The following IQSEC1 variants were observed in gnomAD, a reference collection of about 807,000 sequenced individuals.
The protein encoded by IQSEC1 is IQ motif and Sec7 domain ArfGEF 1, also known as IQ motif and SEC7 domain-containing protein 1.
A neutral mutation model predicts 91.0 loss-of-function variants in IQSEC1; 31 were observed. The observed-to-expected ratio is 0.34, with a 90% CI of 0.26 to 0.46. The LOEUF is 0.46. Among genes scored for constraint, IQSEC1 ranks in the 20% least tolerant of loss-of-function variants. The pLI is 1.00. For missense variants in IQSEC1, 1,388 were observed against 1,575.6 expected, an observed-to-expected ratio of 0.88 and a Z score of 2.02; for synonymous variants, 699 against 662.6, an observed-to-expected ratio of 1.05 and a Z score of -0.84.
intron 1 of IQSEC1, among the ~76,000 whole-genome samples, chr3:13,197,671 G>A (rs974809575): frequency 1.4e-4 from 21 of 152,204 alleles, no homozygotes; most frequent in South Asian, 2.1e-4. Context: ...CCCACCTTAC[G>A]ACCAGCAGAG....
chr3:13,193,157 G>A lies in IQSEC1; in HGVS notation c.273-29024C>T, dbSNP rs1694065669. On this transcript the variant is annotated intron_variant, in intron 1 of 15. Transcript: ENST00000648114. This position sits in a 1 kb window ranked among gnomAD's most constrained non-coding sequence, Gnocchi z 4.2. ...ACGAGCACAGGATGCCCACCTGCCC[G>A]GGGCTCACACACAGAGCCTGCCCCA... is the stretch of plus-strand genomic sequence containing the variant. Among the ~76,000 whole-genome samples the A allele has an allele frequency of 1.3e-5, 2 of 152,188 alleles. No homozygotes were observed. The highest frequency in any genetic ancestry group is 2.1e-4 in the South Asian group (1 of 4,836).
chr3:13,048,321 T>TG (rs1321965931), intron 1 of IQSEC1, among the ~76,000 whole-genome samples: 1 of 152,204 alleles, frequency 6.6e-6, no homozygotes, highest in African/African-American at 2.4e-5. Flanking sequence ...TCCTGGAGGC[T>TG]GGGGGGCCCC....
intron 3 of IQSEC1, among the ~76,000 whole-genome samples, chr3:12,934,903 C>G (rs558181402): frequency 6.6e-6 from 1 of 151,594 alleles, no homozygotes; most frequent in South Asian, 2.1e-4. Context: ...TGAGTTCCTT[C>G]CATCCAGGAC....
intron 1 of IQSEC1, among the ~76,000 whole-genome samples, chr3:13,221,662 C>T (rs978055905): frequency 1.1e-4 from 16 of 152,372 alleles, no homozygotes; most frequent in Admixed American, 4.6e-4. Context: ...GGCGGCTCTC[C>T]GTCTCCTGCC....
At chr3:13,090,021 C>G (rs1214797931) in intron 2 of IQSEC1, among the ~76,000 whole-genome samples, 1 of 152,144 alleles carries the variant, frequency 6.6e-6, no homozygotes, top group Non-Finnish European at 1.5e-5. Context: ...CCAGACCATC[C>G]TGGCTAACAC....
chr3:13,041,955 G>A (rs1559737041), intron 1 of IQSEC1, among the ~76,000 whole-genome samples: 1 of 152,218 alleles, frequency 6.6e-6, no homozygotes. Context: ...TACCGGGAAA[G>A]AGCAGGCCGG....
chr3:13,217,377 A>T (rs1694570262), intron 1 of IQSEC1, among the ~76,000 whole-genome samples: 1 of 152,194 alleles, frequency 6.6e-6, no homozygotes, highest in Admixed American at 6.5e-5. Flanking sequence ...GGCTTCCTCC[A>T]CTTGGCATTG....
At chr3:13,278,969 G>A (rs1695741508) in intron 1 of IQSEC1, among the ~76,000 whole-genome samples, 1 of 152,166 alleles carries the variant, frequency 6.6e-6, no homozygotes, top group Admixed American at 6.6e-5. Context: ...CTATAAAATG[G>A]GAGCAGCAGC....
At chr3:13,187,061 A>G (rs1257260224) in intron 1 of IQSEC1, among the ~76,000 whole-genome samples, 1 of 148,790 alleles carries the variant, frequency 6.7e-6, no homozygotes, top group East Asian at 2.0e-4. Flanking sequence ...CCTCCTTTCT[A>G]TCCCTCTTAC....
At chr3:12,901,878 G>A (rs780731469) in intron 13 of IQSEC1, among the ~76,000 whole-genome samples, 4 of 152,196 alleles carry the variant, frequency 2.6e-5, no homozygotes, top group South Asian at 2.1e-4. Context: ...GTGTCTGTGC[G>A]CTGTGTGTGG....
chr3:13,267,282 T>C (rs1235129228), intron 1 of IQSEC1, among the ~76,000 whole-genome samples: 2 of 152,202 alleles, frequency 1.3e-5, no homozygotes, highest in Admixed American at 1.3e-4. Context: ...CTTCCCAGCC[T>C]CCAGAACCGT....
chr3:13,199,824 G>T (rs1694206092), intron 1 of IQSEC1, among the ~76,000 whole-genome samples: 1 of 82,950 alleles, frequency 1.2e-5, no homozygotes, highest in Non-Finnish European at 2.3e-5. Context: ...AGCTGGGACA[G>T]GGTGGAGAAG....
Position 13,109,922 on chromosome 3 carries a change from G to A in IQSEC1, c.302+54182C>T, listed in dbSNP as rs112431052. On this transcript the variant is annotated intron_variant, in intron 2 of 15. Coordinates refer to the IQSEC1 transcript ENST00000648114. ...TTTTTTGAGACGGAGTCTAGCTGTCGCTCAGGCTTGAGTGCAGTGGCGTGA... is the reference window on the plus strand; with the variant it reads ...TTTTTTGAGACGGAGTCTAGCTGTCACTCAGGCTTGAGTGCAGTGGCGTGA... Among the ~76,000 whole-genome samples the A allele has an allele frequency of 7.4e-3, 1,032 of 139,116 alleles. 14 individuals are homozygous for A. The highest frequency in any genetic ancestry group is 0.026 in the African/African-American group (973 of 36,820). The allele number at this position is 139,116 out of a possible 152,430, so 91.3% of individuals were successfully genotyped here.
chr3:13,141,760 C>T (rs1049365716), intron 2 of IQSEC1, among the ~76,000 whole-genome samples: 8 of 152,078 alleles, frequency 5.3e-5, no homozygotes, highest in South Asian at 4.2e-4. Flanking sequence ...ATTTCAGGTG[C>T]GACAAAGAAA....
Position 13,103,257 on chromosome 3 carries a change from A to AAGC in IQSEC1, c.303-55738_303-55736dup, listed in dbSNP as rs1706094014. Among the ~76,000 whole-genome samples, 1 of 151,962 alleles carries AAGC rather than the reference A, an allele frequency of 6.6e-6. No individual in the cohort carries two copies. Among genetic ancestry groups the AAGC allele is most frequent in the African/African-American group, 2.4e-5 (1 of 41,358 alleles). On this transcript the variant is annotated intron_variant, in intron 2 of 15. Transcript: ENST00000648114. The surrounding 1 kb of genome is among the most constrained non-coding windows in gnomAD (Gnocchi z 4.1). ...GCTCAGATATCATCAGCTTCCCATT[A>AAGC]AGCAGATCAATAGCTTCCACTGGTT...
At chr3:13,191,190 C>CTGA (rs1398871687) in intron 1 of IQSEC1, among the ~76,000 whole-genome samples, 1 of 152,224 alleles carries the variant, frequency 6.6e-6, no homozygotes, top group Non-Finnish European at 1.5e-5. Context: ...ACACAGAAGC[C>CTGA]TGACAGTCTG....
chr3:12,972,759 C>A (rs1398117355), intron 1 of IQSEC1, among the ~76,000 whole-genome samples: 1 of 152,166 alleles, frequency 6.6e-6, no homozygotes, highest in Admixed American at 6.5e-5. Flanking sequence ...CCACACTGGC[C>A]ACCACAATAC....
At position 12,967,493 on chromosome 3, in the gene IQSEC1, C is replaced by G; in HGVS notation, c.24-25628G>C. 2 of 1,462,178 alleles carry G rather than the reference C, an allele frequency of 1.4e-6. No homozygotes were observed. Among genetic ancestry groups the G allele is most frequent in the Non-Finnish European group, 1.8e-6 (2 of 1,112,970 alleles). 90.6% of individuals were successfully genotyped at this position (1,462,178 alleles called of 1,614,324 possible). A position where few individuals can be genotyped will look rare whatever the true frequency, so the allele number is the denominator to read the frequency against. ...GCGGGCCGGGCCGGGAGCCGGGACC[C>G]AGGCCCAGCAGAGGCCGCCGACTCC... On this transcript the variant is annotated intron_variant, in intron 1 of 13. Transcript: ENST00000613206. This position sits in a 1 kb window ranked among gnomAD's most constrained non-coding sequence, Gnocchi z 5.9.
At chr3:13,104,336 G>A (rs1403540485) in intron 2 of IQSEC1, among the ~76,000 whole-genome samples, 1 of 152,140 alleles carries the variant, frequency 6.6e-6, no homozygotes, top group Non-Finnish European at 1.5e-5. Flanking sequence ...GGGTGACCCT[G>A]GGGTGACAAG....
Sources: allele counts gnomAD v4.1 joint callset (sites outside exome capture counted in the v4.1 genomes callset), GRCh38; gene constraint gnomAD v4.1.1; non-coding constraint Gnocchi (gnomAD v3.1); transcripts MANE v1.5; gene names NCBI Gene and HGNC (gene_info 2026-07-23, HGNC 2026-07-21).